HLCS: variants seen among roughly 807,000 people sequenced by gnomAD.
HLCS encodes biotin--protein ligase.
HLCS carries 53 observed loss-of-function variants against 75.0 expected under a neutral mutation model. The observed-to-expected ratio is 0.71, with a 90% confidence interval of 0.57 to 0.89. The LOEUF (loss-of-function observed/expected upper bound fraction) is 0.89. Among genes scored for constraint, HLCS ranks in the 40% least tolerant of loss-of-function variants. The pLI is 0.00. For synonymous variants in HLCS, 431 were observed against 428.6 expected (o/e 1.01, Z -0.07); for missense variants, 966 against 1,074.0 (o/e 0.90, Z 1.41).
In HLCS at chr21:36,842,924, G is replaced by C. The variant is rs2062665614; in HGVS notation, c.1892+53936C>G. The stretch of plus-strand genomic sequence containing the variant: ...GGGAGCAACATCCTCTCTCACCAAT[G>C]ATCTCTTTACATTTCTAAGCCTGGC... On this transcript the variant is annotated intron_variant, in intron 6 of 10. Transcript: ENST00000674895. This position sits in a 1 kb window ranked among gnomAD's most constrained non-coding sequence, Gnocchi z 4.2. 6.6e-6 allele frequency among the ~76,000 whole-genome samples: 1 copy of C among 152,174 alleles called. No individual in the cohort carries two copies. Among genetic ancestry groups the C allele is most frequent in the Non-Finnish European group, 1.5e-5 (1 of 68,032 alleles).
At chr21:36,954,524 G>A (rs1601863813) in intron 2 of HLCS, among the ~76,000 whole-genome samples, 1 of 150,896 alleles carries the variant, frequency 6.6e-6, no homozygotes. Context: ...GCTGAGGCAG[G>A]AGAATGGCGT....
At chr21:36,820,757 T>G (rs562264147) in intron 6 of HLCS, among the ~76,000 whole-genome samples, 4 of 152,214 alleles carry the variant, frequency 2.6e-5, no homozygotes, top group Admixed American at 2.0e-4. Flanking sequence ...GACAGGCTCC[T>G]GGGCAGAAAG....
At chr21:36,815,109 C>T (rs901649853) in intron 6 of HLCS, among the ~76,000 whole-genome samples, 3 of 151,770 alleles carry the variant, frequency 2.0e-5, no homozygotes, top group Non-Finnish European at 4.4e-5. Flanking sequence ...TCTCTGCAAC[C>T]TCCGCCTCCT....
intron 6 of HLCS, among the ~76,000 whole-genome samples, chr21:36,865,262 T>C (rs2063516431): frequency 6.6e-6 from 1 of 151,890 alleles, no homozygotes; most frequent in South Asian, 2.1e-4. Context: ...TGCCCCAGAA[T>C]GCGCGCCAGT....
At chr21:36,828,986 T>A (rs1474438579) in intron 6 of HLCS, among the ~76,000 whole-genome samples, 1 of 152,222 alleles carries the variant, frequency 6.6e-6, no homozygotes, top group African/African-American at 2.4e-5. Flanking sequence ...CTAGCCAAGT[T>A]CCTAAACTAA....
At chr21:36,915,963 T>C (rs992403906) in intron 5 of HLCS, among the ~76,000 whole-genome samples, 3 of 151,916 alleles carry the variant, frequency 2.0e-5, no homozygotes, top group African/African-American at 4.8e-5. Context: ...CCAAAACACT[T>C]TGCAAGTGTC....
intron 2 of HLCS, among the ~76,000 whole-genome samples, chr21:36,960,516 T>C (rs1229883254): frequency 6.6e-6 from 1 of 152,220 alleles, no homozygotes; most frequent in Non-Finnish European, 1.5e-5. Flanking sequence ...TGCCTGATGC[T>C]CTGCCCGCTC....
chr21:36,920,537 TA>T (rs370673016), intron 5 of HLCS, among the ~76,000 whole-genome samples: 1 of 152,232 alleles, frequency 6.6e-6, no homozygotes, highest in African/African-American at 2.4e-5. Flanking sequence ...GTTTGTAATA[TA>T]AAGGATAAAT....
In HLCS at chr21:36,826,221, C is replaced by A. The variant is rs563539963; in HGVS notation, c.1893-58936G>T. Among the ~76,000 whole-genome samples, 123 of 152,270 alleles carry A rather than the reference C, an allele frequency of 8.1e-4. 2 individuals are homozygous for A. The highest frequency in any genetic ancestry group is 2.7e-3 in the African/African-American group (113 of 41,554). On this transcript the variant is annotated intron_variant, in intron 6 of 10. Coordinates refer to ENST00000674895, the MANE Select transcript of HLCS (RefSeq NM_001352514.2). ...TTCTTTTAAGCCAACATTTGAAATA[C>A]AGGTCCCCAGTCCCACCCCTTCCTC...
At chr21:36,829,369 T>G (rs1417049648) in intron 6 of HLCS, among the ~76,000 whole-genome samples, 1 of 152,244 alleles carries the variant, frequency 6.6e-6, no homozygotes, top group Non-Finnish European at 1.5e-5. Flanking sequence ...CAGTAGCAAC[T>G]GTTATCTTTC....
chr21:36,849,326 A>G (rs1484317660), intron 6 of HLCS, among the ~76,000 whole-genome samples: 1 of 152,264 alleles, frequency 6.6e-6, no homozygotes, highest in East Asian at 1.9e-4. Context: ...ATATGTGCAT[A>G]TACATATAGA....
intron 4 of HLCS, among the ~76,000 whole-genome samples, chr21:36,933,780 G>A (rs1340559531): frequency 6.6e-6 from 1 of 152,106 alleles, no homozygotes; most frequent in Non-Finnish European, 1.5e-5. Flanking sequence ...GGGATGAGAG[G>A]GGTGCTCGAC....
intron 7 of HLCS, among the ~76,000 whole-genome samples, chr21:36,766,052 ATTT>A (rs1959361270): frequency 6.6e-6 from 1 of 151,898 alleles, no homozygotes; most frequent in South Asian, 2.1e-4. Flanking sequence ...CTTCCTTTTT[ATTT>A]TTGAGACAGG....
intron 6 of HLCS, among the ~76,000 whole-genome samples, chr21:36,881,716 G>A (rs1240794864): frequency 6.6e-6 from 1 of 152,172 alleles, no homozygotes; most frequent in Non-Finnish European, 1.5e-5. Flanking sequence ...CAGGCCAGCT[G>A]GGCCTCAGTG....
chr21:36,754,319 T>A lies in HLCS; in HGVS notation c.2549A>T (p.Glu850Val). 1 of 1,613,848 alleles carries A rather than the reference T, an allele frequency of 6.2e-7. No homozygotes were observed. The highest frequency in any genetic ancestry group is 1.7e-5 in the Admixed American group (1 of 59,988). Residue 850 changes from glutamate to valine, a missense_variant, in exon 11 of 11, where the codon GAG (glutamate) becomes GTG (valine). Glu to Val is a moderately radical substitution (Grantham distance 121). Coordinates refer to ENST00000674895, the MANE Select transcript of HLCS (RefSeq NM_001352514.2). ...GFLQVHQEGG[E>V]VVTVHPDGNS... ...GCCGTCCGGGTGCACAGTCACAACC[T>A]CGCCGCCCTCCTGGTGAACCTGGAG...
At chr21:36,796,653 A>G (rs1472899460) in intron 6 of HLCS, among the ~76,000 whole-genome samples, 1 of 152,130 alleles carries the variant, frequency 6.6e-6, no homozygotes, top group East Asian at 1.9e-4. Flanking sequence ...TCTACCAAAC[A>G]TTATCGGGGC....
At chr21:36,938,372 T>G (rs912183592) in intron 3 of HLCS, among the ~76,000 whole-genome samples, 3 of 152,242 alleles carry the variant, frequency 2.0e-5, no homozygotes, top group Admixed American at 2.0e-4. Flanking sequence ...CAAAAAAATC[T>G]TGACACATGC....
At chr21:36,837,143 A>G (rs1285642756) in intron 6 of HLCS, among the ~76,000 whole-genome samples, 1 of 152,236 alleles carries the variant, frequency 6.6e-6, no homozygotes. Context: ...AGATTGTGCC[A>G]CTGCACTCCA....
intron 4 of HLCS, 67 bp from the exon 5 acceptor site, chr21:36,930,500 TTTTC>T (rs997941765): frequency 1.2e-5 from 16 of 1,318,890 alleles, no homozygotes; most frequent in East Asian, 2.4e-5. Context: ...ACAGTTTCTT[TTTTC>T]TTTTTCTTTT....
Sources: gnomAD v4.1 joint callset for allele counts (sites outside exome capture counted in the v4.1 genomes callset) on GRCh38, gnomAD v4.1.1 for gene constraint, Gnocchi (gnomAD v3.1) non-coding constraint, MANE v1.5 for transcripts, NCBI Gene and HGNC (gene_info 2026-07-23, HGNC 2026-07-21) for gene names.